ME3: variants seen among roughly 807,000 people sequenced by gnomAD.
The protein encoded by ME3 is NADP-dependent malic enzyme, mitochondrial.
Under a neutral mutation model 68.9 loss-of-function variants are expected in ME3, and 48 were observed. That is an observed-to-expected ratio of 0.70 (90% CI 0.55 to 0.89). ME3 has a LOEUF of 0.89. ME3 is among the 40% of genes least tolerant of loss of function. The probability of loss-of-function intolerance (pLI) is 0.00; values close to 1 mark genes in which losing one functional copy is unlikely to be tolerated. For synonymous variants in ME3, 320 were observed against 318.8 expected, an observed-to-expected ratio of 1.00 and a Z score of -0.04; for missense variants, 675 against 797.4, an observed-to-expected ratio of 0.85 and a Z score of 1.85.
chr11:86,529,234 C>T (rs1487795776), intron 4 of ME3, among the ~76,000 whole-genome samples: 29 of 152,250 alleles, frequency 1.9e-4, no homozygotes, highest in South Asian at 6.2e-4. Context: ...AACACCTCTA[C>T]GCAAATAAAC....
In ME3 at chr11:86,593,625, AT is replaced by A. The variant is rs1190955345; in HGVS notation, c.184-33803del. 4.1e-5 allele frequency among the ~76,000 whole-genome samples: 6 copies of A among 146,490 alleles called. 2 individuals carry two copies. The highest frequency in any genetic ancestry group is 1.5e-4 in the African/African-American group (6 of 39,740). On this transcript the variant is annotated intron_variant, in intron 2 of 14. Transcript: ENST00000543262. ...TTACGCACAGAAAAGTTGGAAAAAA[AT>A]AACCACACCTTATTTTCATCACCCA...
intron 4 of ME3, among the ~76,000 whole-genome samples, chr11:86,518,874 T>G (rs767947884): frequency 6.6e-6 from 1 of 152,230 alleles, no homozygotes; most frequent in East Asian, 1.9e-4. Context: ...CAAGGGATGA[T>G]AGAAACAGAG....
chr11:86,443,212 G>A (rs1299314241), intron 13 of ME3, among the ~76,000 whole-genome samples: 1 of 152,210 alleles, frequency 6.6e-6, no homozygotes, highest in East Asian at 1.9e-4. Context: ...CAAAGGCTAT[G>A]AGATCTCCTC....
At chr11:86,570,413 G>A (rs1594491221) in intron 2 of ME3, among the ~76,000 whole-genome samples, 1 of 152,114 alleles carries the variant, frequency 6.6e-6, no homozygotes, top group Admixed American at 6.5e-5. Flanking sequence ...TATGAGTTAG[G>A]GTGATGGGGA....
At chr11:86,621,643 T>C (rs2135268268) in intron 2 of ME3, among the ~76,000 whole-genome samples, 1 of 152,074 alleles carries the variant, frequency 6.6e-6, no homozygotes, top group Middle Eastern at 3.4e-3. Flanking sequence ...GTGAATAGGG[T>C]TGTATTCAAA....
rs181611730 is a variant in ME3 at position 86,447,913 on chromosome 11, C to T, written c.1237+237G>A. On this transcript the variant is annotated intron_variant, in intron 11 of 14. Coordinates refer to ENST00000543262, the Ensembl canonical transcript of ME3. ...GAGAGAGAGAGACAGACTAGCCCTG[C>T]ACTTACTCACTGCATTGTATATTTC... 4.9e-3 allele frequency among the ~76,000 whole-genome samples: 731 copies of T among 150,664 alleles called. 3 individuals are homozygous for T. Among genetic ancestry groups the T allele is most frequent in the Non-Finnish European group, 6.8e-3 (463 of 67,654 alleles).
chr11:86,606,370 G>T (rs1961650394), intron 2 of ME3, among the ~76,000 whole-genome samples: 1 of 146,094 alleles, frequency 6.8e-6, no homozygotes, highest in African/African-American at 2.5e-5. Context: ...TGCCTCATCA[G>T]GGTAGTCTGT....
intron 7 of ME3, among the ~76,000 whole-genome samples, chr11:86,473,651 G>C (rs1950903237): frequency 6.6e-6 from 1 of 152,152 alleles, no homozygotes; most frequent in Admixed American, 6.6e-5. Flanking sequence ...CAGATAAGAG[G>C]CCGTCACAGC....
At chr11:86,645,581 C>G (rs533891685) in intron 2 of ME3, among the ~76,000 whole-genome samples, 37 of 152,326 alleles carry the variant, frequency 2.4e-4, no homozygotes, top group African/African-American at 8.7e-4. Context: ...TCCCATCTCC[C>G]TGGGACAGAG....
At chr11:86,508,334 C>G (rs917572963) in intron 5 of ME3, among the ~76,000 whole-genome samples, 1 of 152,220 alleles carries the variant, frequency 6.6e-6, no homozygotes, top group African/African-American at 2.4e-5. Context: ...TCTCCTCAGG[C>G]TAAAAATCGT....
chr11:86,530,050 AGAG>A (rs1955085839), intron 4 of ME3, among the ~76,000 whole-genome samples: 1 of 152,230 alleles, frequency 6.6e-6, no homozygotes, highest in Non-Finnish European at 1.5e-5. Context: ...AATTAGGAAA[AGAG>A]GACGTCAAAT....
At chr11:86,578,321 G>A (rs1304822579) in intron 2 of ME3, among the ~76,000 whole-genome samples, 1 of 152,160 alleles carries the variant, frequency 6.6e-6, no homozygotes, top group Non-Finnish European at 1.5e-5. Flanking sequence ...AACAAGGGAA[G>A]TAGCCTCTTT....
chr11:86,603,107 T>C (rs983373422), intron 2 of ME3, among the ~76,000 whole-genome samples: 2 of 152,144 alleles, frequency 1.3e-5, no homozygotes, highest in African/African-American at 4.8e-5. Context: ...TGGTATCTAA[T>C]TAAACTAAAG....
At chr11:86,647,606 C>G (rs1594774871) in intron 2 of ME3, among the ~76,000 whole-genome samples, 2 of 151,754 alleles carry the variant, frequency 1.3e-5, no homozygotes, top group East Asian at 3.8e-4. Context: ...GGTTGCAATA[C>G]TAGTCTCTGA....
intron 2 of ME3, among the ~76,000 whole-genome samples, chr11:86,632,596 C>T (rs1171021690): frequency 1.3e-5 from 2 of 152,214 alleles, no homozygotes; most frequent in East Asian, 3.9e-4. Context: ...TGGCCCTGGA[C>T]ATCATCCTCA....
intron 2 of ME3, among the ~76,000 whole-genome samples, chr11:86,609,009 A>G (rs183803337): frequency 5.9e-5 from 9 of 152,304 alleles, no homozygotes; most frequent in Admixed American, 3.9e-4. Context: ...CTTTACTGGC[A>G]TTTTTCTCAT....
rs545734536 is a variant in ME3 at position 86,583,547 on chromosome 11, A to T, written c.184-23724T>A. On this transcript the variant is annotated intron_variant, in intron 2 of 14. Coordinates refer to ENST00000543262, the Ensembl canonical transcript of ME3. Reference sequence around the variant, plus strand: ...AATAGTAAAGACAGCTATTAAATAAATAATCACCCAATTAATTAATTCATT... The same window carrying T: ...AATAGTAAAGACAGCTATTAAATAATTAATCACCCAATTAATTAATTCATT... Among the ~76,000 whole-genome samples, 8 of 152,338 alleles carry T rather than the reference A, an allele frequency of 5.3e-5. No homozygotes were observed. In the South Asian group the frequency reaches 1.4e-3, roughly 28 times the overall value.
At chr11:86,552,709 A>G (rs933206599) in intron 4 of ME3, among the ~76,000 whole-genome samples, 7 of 152,200 alleles carry the variant, frequency 4.6e-5, no homozygotes, top group Non-Finnish European at 7.4e-5. Flanking sequence ...TTCAAAATCT[A>G]TCGTAGTCCT....
chr11:86,456,459 A>G (rs560147238), intron 8 of ME3, among the ~76,000 whole-genome samples: 5 of 152,132 alleles, frequency 3.3e-5, no homozygotes, highest in Non-Finnish European at 5.9e-5. Flanking sequence ...TAACAGTTGT[A>G]CAGATGAGGA....
Sources: gnomAD v4.1 joint callset for allele counts (sites outside exome capture counted in the v4.1 genomes callset) on GRCh38, gnomAD v4.1.1 for gene constraint, MANE v1.5 for transcripts, NCBI Gene and HGNC (gene_info 2026-07-23, HGNC 2026-07-21) for gene names.